FAM186B: variants seen among roughly 807,000 people sequenced by gnomAD.
FAM186B encodes the protein family with sequence similarity 186 member B.
A neutral mutation model predicts 83.4 loss-of-function variants in FAM186B; 68 were observed. The observed-to-expected ratio is 0.81, with a 90% confidence interval of 0.67 to 1.00. The LOEUF (loss-of-function observed/expected upper bound fraction) is 1.00. Ranked by LOEUF, FAM186B falls within the 50% of genes least tolerant of loss-of-function variation. The probability of loss-of-function intolerance (pLI) is 0.00; values close to 1 mark genes in which losing one functional copy is unlikely to be tolerated. For missense variants in FAM186B, 983 were observed against 1,099.2 expected, an observed-to-expected ratio of 0.89 and a Z score of 1.49; for synonymous variants, 389 against 422.0, an observed-to-expected ratio of 0.92 and a Z score of 0.96.
intron 5 of FAM186B, chr12:49,595,604 C>T (rs1279127028): frequency 4.8e-6 from 2 of 415,902 alleles, no homozygotes; most frequent in Admixed American, 2.6e-5. Flanking sequence ...CTAGGACCAG[C>T]TTTGAGTTTG....
chr12:49,601,604 C>G (rs901365583), intron 3 of FAM186B, among the ~76,000 whole-genome samples: 1 of 151,170 alleles, frequency 6.6e-6, no homozygotes, highest in Non-Finnish European at 1.5e-5. Context: ...GGTCCTCCAA[C>G]TGTTCACATG....
the FAM186B span, among the ~76,000 whole-genome samples, chr12:49,618,210 T>G: frequency 6.6e-6 from 1 of 152,126 alleles, no homozygotes; most frequent in African/African-American, 2.4e-5. Flanking sequence ...CCGGGCGTGT[T>G]GGCACGTGCC....
chr12:49,589,935 C>T (rs928429060), intron 5 of FAM186B, among the ~76,000 whole-genome samples: 4 of 144,272 alleles, frequency 2.8e-5, no homozygotes, highest in South Asian at 2.2e-4. Context: ...GAGCCGAGAT[C>T]GCACCACTGC....
rs1320869684 is a variant in FAM186B, at chr12:49,599,769, C to T, written c.1871G>A (p.Arg624Gln). Reference protein sequence around the residue: ...VEFTYRPRTRRVPTKPKKSAS... With the variant: ...VEFTYRPRTRQVPTKPKKSAS... ...AGATTTCTTGGGCTTTGTGGGAACT[C>T]GGCGGGTCCGTGGTCTGTAGGTAAA... The change falls in exon 4 of 7, where the codon CGA (arginine) becomes CAA (glutamine). Residue 624 changes from arginine (R) to glutamine (Q), a missense_variant. Physicochemically the swap from Arg to Gln is conservative, Grantham distance 43. Transcript: ENST00000257894. 12 of 1,614,048 alleles carry T rather than the reference C, an allele frequency of 7.4e-6. No individual in the cohort carries two copies. The highest frequency in any genetic ancestry group is 1.3e-5 in the African/African-American group (1 of 75,042).
In FAM186B at chr12:49,588,450, C is replaced by T. The variant is rs781467829; in HGVS notation, c.2534+4G>A. On this transcript the variant is annotated splice_donor_region_variant and intron_variant, in intron 6 of 6. Coordinates refer to ENST00000257894, the MANE Select transcript of FAM186B (RefSeq NM_032130.3). Reference sequence around the variant, plus strand: ...TGCTGCCCCCTCAGCTTCCCAGAACCTACCGGGCCATCTGCAGGGGCACAC... The same window carrying T: ...TGCTGCCCCCTCAGCTTCCCAGAACTTACCGGGCCATCTGCAGGGGCACAC... The T allele has an allele frequency of 1.2e-6, 2 of 1,610,038 alleles. No homozygotes were observed. Among genetic ancestry groups the T allele is most frequent in the African/African-American group, 2.7e-5 (2 of 75,026 alleles).
chr12:49,599,403 C>T, intron 4 of FAM186B, 66 bp downstream of exon 4: 2 of 1,477,726 alleles, frequency 1.4e-6, no homozygotes, highest in East Asian at 2.4e-5. Context: ...TTCTCTCCCA[C>T]TGGGTTTAGG....
Position 49,604,483 on chromosome 12 carries a change from C to G in FAM186B, c.152G>C (p.Arg51Pro). The G allele has an allele frequency of 1.2e-6, 2 of 1,614,164 alleles. No homozygotes were observed. The highest frequency in any genetic ancestry group is 1.7e-6 in the Non-Finnish European group (2 of 1,180,030). Residue 51 changes from arginine (R) to proline (P), a missense_variant, in exon 2 of 7, where the codon CGC becomes CCC. Arg to Pro is a moderately radical substitution (Grantham distance 103). Transcript: ENST00000257894. ...ILDNVNCVIN[R>P]FQEELGYDLK... ...ATCATATCCTAATTCTTCCTGGAAG[C>G]GGTTGATGACACAATTGACATTGTC... is the stretch of plus-strand genomic sequence containing the variant.
At chr12:49,604,935 C>T (rs567646962) in intron 1 of FAM186B, among the ~76,000 whole-genome samples, 10 of 152,266 alleles carry the variant, frequency 6.6e-5, no homozygotes, top group African/African-American at 1.7e-4. Context: ...CCCCAAGAAA[C>T]TCTAGGATCA....
chr12:49,604,260 G>A (rs553238239), intron 2 of FAM186B, 53 bp downstream of exon 2: 15 of 1,457,256 alleles, frequency 1.0e-5, no homozygotes, highest in Middle Eastern at 1.9e-4. Context: ...CCCTGTGCTC[G>A]CCACCCACAC....
chr12:49,595,305 A>C (rs1451660078), intron 5 of FAM186B: 1 of 666,576 alleles, frequency 1.5e-6, no homozygotes, highest in Non-Finnish European at 2.7e-6. Flanking sequence ...AAGATGCAAA[A>C]AAAGAGGGAC....
At chr12:49,613,483 T>A in the FAM186B span, among the ~76,000 whole-genome samples, 3 of 148,528 alleles carry the variant, frequency 2.0e-5, no homozygotes, top group Non-Finnish European at 4.4e-5. Context: ...GCCCAGATCA[T>A]GCCACTGCAC....
intron 5 of FAM186B, among the ~76,000 whole-genome samples, chr12:49,590,359 A>T (rs1302668538): frequency 6.6e-6 from 1 of 152,238 alleles, no homozygotes; most frequent in African/African-American, 2.4e-5. Context: ...ATTGTGAATT[A>T]TAAGTTGGAC....
the FAM186B span, among the ~76,000 whole-genome samples, chr12:49,622,328 A>AG: frequency 2.0e-5 from 3 of 152,094 alleles, no homozygotes; most frequent in African/African-American, 7.2e-5. Flanking sequence ...TGGGCAGTAC[A>AG]GGGAGACGTC....
chr12:49,600,298 A>C lies in FAM186B; in HGVS notation c.1342T>G (p.Phe448Val). 1.2e-6 allele frequency: 2 copies of C among 1,614,192 alleles called. No individual in the cohort carries two copies. The highest frequency in any genetic ancestry group is 1.7e-6 in the Non-Finnish European group (2 of 1,180,038). The change falls in exon 4 of 7, where the codon TTC becomes GTC. Residue 448 changes from phenylalanine to valine, a missense_variant. Coordinates refer to ENST00000257894, the MANE Select transcript of FAM186B (RefSeq NM_032130.3). This position sits in a 1 kb window ranked among gnomAD's most constrained non-coding sequence, Gnocchi z 4.3. Reference sequence around the variant, plus strand: ...TTAATTTGGAGTCCTCCCTTCTGGAAGTAGTCCTCCTGGTCTTTGTCTTTG... The same window carrying C: ...TTAATTTGGAGTCCTCCCTTCTGGACGTAGTCCTCCTGGTCTTTGTCTTTG... Reference protein sequence around the residue: ...GHKDKDQEDYFQKGGLQIKFH... With the variant: ...GHKDKDQEDYVQKGGLQIKFH...
At position 49,603,248 on chromosome 12, in the gene FAM186B, C is replaced by T. The variant is rs1405028425; in HGVS notation, c.442G>A (p.Gly148Ser). ...LPLSLIATKRGIESLTALCST... is the reference protein window; with the variant it reads ...LPLSLIATKRSIESLTALCST... The stretch of plus-strand genomic sequence containing the variant: ...CAAAGGGCAGTGAGTGACTCGATGC[C>T]TCTTTTGGTGGCAATGAGGGACAGC... Residue 148 changes from glycine (G) to serine (S), a missense_variant, in exon 3 of 7, where the codon GGC (glycine) becomes AGC (serine). Gly to Ser is a moderately conservative substitution (Grantham distance 56). Coordinates refer to ENST00000257894, the MANE Select transcript of FAM186B (RefSeq NM_032130.3). The T allele has an allele frequency of 6.2e-7, 1 of 1,614,194 alleles. No individual in the cohort carries two copies.
the FAM186B span, among the ~76,000 whole-genome samples, chr12:49,612,384 T>TTTTTG: frequency 6.6e-6 from 1 of 151,868 alleles, no homozygotes; most frequent in African/African-American, 2.4e-5. Flanking sequence ...TTTTTTTTTT[T>TTTTTG]TTAAAGGGAC....
the FAM186B span, among the ~76,000 whole-genome samples, chr12:49,615,490 G>A: frequency 2.0e-5 from 3 of 152,260 alleles, no homozygotes; most frequent in East Asian, 5.8e-4. Flanking sequence ...CACACATCAC[G>A]AAAGAAGTTA....
chr12:49,594,897 G>A (rs1048301047), intron 5 of FAM186B, among the ~76,000 whole-genome samples: 6 of 151,390 alleles, frequency 4.0e-5, no homozygotes, highest in Non-Finnish European at 8.8e-5. Context: ...AAGGAATGCC[G>A]CAGACTGAAA....
the FAM186B span, among the ~76,000 whole-genome samples, chr12:49,611,351 C>T: frequency 4.6e-5 from 7 of 151,874 alleles, no homozygotes; most frequent in African/African-American, 7.3e-5. Flanking sequence ...CCAGCCTGGA[C>T]GACTGAGCAA....
Sources: allele counts gnomAD v4.1 joint callset (sites outside exome capture counted in the v4.1 genomes callset), GRCh38; gene constraint gnomAD v4.1.1; non-coding constraint Gnocchi (gnomAD v3.1); transcripts MANE v1.5; gene names NCBI Gene and HGNC (gene_info 2026-07-23, HGNC 2026-07-21).